The following EPB41L2 variants were observed in gnomAD, a reference collection of about 807,000 sequenced individuals.
EPB41L2 encodes the protein band 4.1-like protein 2.
EPB41L2 carries 43 observed loss-of-function variants against 113.0 expected under a neutral mutation model. That is an observed-to-expected ratio of 0.38 (90% CI 0.30 to 0.49). EPB41L2 has a LOEUF of 0.49. Ranked by LOEUF, EPB41L2 falls within the 20% of genes least tolerant of loss-of-function variation. The pLI is 0.95. For synonymous variants in EPB41L2, 442 were observed against 436.7 expected, an observed-to-expected ratio of 1.01 and a Z score of -0.15; for missense variants, 1,147 against 1,223.4, an observed-to-expected ratio of 0.94 and a Z score of 0.93.
At chr6:130,985,961 C>T (rs1225374960) in intron 1 of EPB41L2, among the ~76,000 whole-genome samples, 1 of 152,032 alleles carries the variant, frequency 6.6e-6, no homozygotes, top group African/African-American at 2.4e-5. Context: ...AAAAGAAACC[C>T]TTCCTAACCC....
intron 1 of EPB41L2, chr6:131,015,383 G>A (rs1323006426): frequency 6.6e-6 from 1 of 152,102 alleles, no homozygotes; most frequent in Non-Finnish European, 1.5e-5. Flanking sequence ...TGAGTTAATG[G>A]TCCACATCTT....
At chr6:131,046,490 G>T (rs1795487567) in intron 1 of EPB41L2, among the ~76,000 whole-genome samples, 1 of 152,064 alleles carries the variant, frequency 6.6e-6, no homozygotes, top group Non-Finnish European at 1.5e-5. Flanking sequence ...TGAAATTCCG[G>T]TCACTACAGA....
chr6:130,857,272 T>C (rs1454569225), intron 19 of EPB41L2, among the ~76,000 whole-genome samples: 2 of 152,208 alleles, frequency 1.3e-5, no homozygotes, highest in Admixed American at 6.5e-5. Flanking sequence ...TAAGTAATAG[T>C]GAGGCTGCAC....
intron 1 of EPB41L2, among the ~76,000 whole-genome samples, chr6:131,024,711 G>C (rs1344174734): frequency 6.6e-6 from 1 of 152,158 alleles, no homozygotes; most frequent in Non-Finnish European, 1.5e-5. Flanking sequence ...CGCACTAGGT[G>C]TTATACTAAA....
At chr6:130,901,530 T>C (rs1229153876) in intron 6 of EPB41L2, among the ~76,000 whole-genome samples, 1 of 150,228 alleles carries the variant, frequency 6.7e-6, no homozygotes, top group Admixed American at 6.7e-5. Flanking sequence ...TAAGGATTAA[T>C]AGATTAAAAA....
intron 4 of EPB41L2, among the ~76,000 whole-genome samples, chr6:130,914,412 A>G (rs1800320237): frequency 6.6e-6 from 1 of 152,210 alleles, no homozygotes; most frequent in African/African-American, 2.4e-5. Flanking sequence ...GGTTCACAAA[A>G]TAGGGTCACT....
intron 12 of EPB41L2, chr6:130,883,009 A>G (rs1789811991): frequency 6.5e-6 from 1 of 152,736 alleles, no homozygotes; most frequent in Non-Finnish European, 1.5e-5. Context: ...CACCTGTGGA[A>G]AGGTGCTCTA....
intron 1 of EPB41L2, among the ~76,000 whole-genome samples, chr6:130,997,861 T>A (rs1297225178): frequency 6.6e-6 from 1 of 152,140 alleles, no homozygotes; most frequent in Non-Finnish European, 1.5e-5. Context: ...CACTCATTAT[T>A]GTATATAAGA....
chr6:130,985,949 C>T (rs574811753), intron 1 of EPB41L2, among the ~76,000 whole-genome samples: 66 of 152,034 alleles, frequency 4.3e-4, no homozygotes, highest in Admixed American at 1.7e-3. Flanking sequence ...TTTATCACCC[C>T]GAAAAGAAAC....
intron 1 of EPB41L2, among the ~76,000 whole-genome samples, chr6:131,039,500 C>A (rs1794014939): frequency 6.6e-6 from 1 of 152,196 alleles, no homozygotes; most frequent in African/African-American, 2.4e-5. Flanking sequence ...CCTTAGAGAT[C>A]ATCTAACTTT....
chr6:130,945,474 G>C (rs1271350128), intron 3 of EPB41L2, among the ~76,000 whole-genome samples: 1 of 152,154 alleles, frequency 6.6e-6, no homozygotes, highest in Admixed American at 6.5e-5. Flanking sequence ...TGTGTAGGCA[G>C]AAACAATGCC....
intron 1 of EPB41L2, among the ~76,000 whole-genome samples, chr6:131,055,505 A>G (rs1318990469): frequency 1.3e-5 from 2 of 152,200 alleles, no homozygotes; most frequent in Non-Finnish European, 2.9e-5. Flanking sequence ...TACACAAAAA[A>G]CTACATGGGC....
Position 130,947,218 on chromosome 6 carries a change from T to A in EPB41L2, c.705+7887A>T, listed in dbSNP as rs528535629. On this transcript the variant is annotated intron_variant, in intron 3 of 19. Coordinates refer to ENST00000337057, the MANE Select transcript of EPB41L2 (RefSeq NM_001431.4). Reference sequence around the variant, plus strand: ...TTTGAGGCCTTTTAGAACCTCACCCTACTCTCTATAAGATCCCTGTAAGCC... The same window carrying A: ...TTTGAGGCCTTTTAGAACCTCACCCAACTCTCTATAAGATCCCTGTAAGCC... Among the ~76,000 whole-genome samples, 24 of 152,230 alleles carry A rather than the reference T, an allele frequency of 1.6e-4. No individual in the cohort carries two copies. The South Asian group carries it at 5.0e-3, about 32-fold the overall frequency.
At chr6:130,900,417 T>C (rs1431996554) in intron 7 of EPB41L2, among the ~76,000 whole-genome samples, 1 of 152,240 alleles carries the variant, frequency 6.6e-6, no homozygotes, top group Non-Finnish European at 1.5e-5. Flanking sequence ...CACACACATA[T>C]AAATGTTCTA....
Position 130,909,415 on chromosome 6 carries a change from T to C in EPB41L2, c.811-552A>G, listed in dbSNP as rs578172275. 6.6e-5 allele frequency among the ~76,000 whole-genome samples: 10 copies of C among 152,340 alleles called. No homozygotes were observed. In the East Asian group the frequency reaches 1.9e-3, roughly 29 times the overall value. On this transcript the variant is annotated intron_variant, in intron 4 of 19. Transcript: ENST00000337057. ...GGTCAGGTTGGAGACAATATTTCCC[T>C]TCCTGGTCTTAATATAACACCCTTC...
rs1190211780 is a variant in EPB41L2, at chr6:130,899,031, A to T, written c.1236+460T>A. On this transcript the variant is annotated intron_variant, in intron 8 of 19. Coordinates refer to ENST00000337057, the MANE Select transcript of EPB41L2 (RefSeq NM_001431.4). ...TACAAAACACACCTACAGGGAAAAG[A>T]CCAACTCTAGGGCTCCTTCATCAAA... 2.6e-5 allele frequency among the ~76,000 whole-genome samples: 4 copies of T among 152,070 alleles called. No individual in the cohort carries two copies. In the East Asian group the frequency reaches 7.7e-4, roughly 29 times the overall value.
At chr6:130,941,211 G>A (rs1269143063) in intron 3 of EPB41L2, among the ~76,000 whole-genome samples, 2 of 152,030 alleles carry the variant, frequency 1.3e-5, no homozygotes, top group African/African-American at 4.8e-5. Context: ...CCATCACAAA[G>A]GGAGACTAGC....
At chr6:130,856,090 T>C (rs1780134114) in intron 19 of EPB41L2, among the ~76,000 whole-genome samples, 1 of 152,180 alleles carries the variant, frequency 6.6e-6, no homozygotes, top group Non-Finnish European at 1.5e-5. Context: ...TGCTGGCTAC[T>C]TATGTAGGAA....
chr6:130,911,605 TAA>T (rs1411371320), intron 4 of EPB41L2, among the ~76,000 whole-genome samples: 1 of 151,950 alleles, frequency 6.6e-6, no homozygotes, highest in African/African-American at 2.4e-5. Flanking sequence ...AAGAAAGCTT[TAA>T]AAAAATGCTA....
Sources: gnomAD v4.1 joint callset for allele counts (sites outside exome capture counted in the v4.1 genomes callset) on GRCh38, gnomAD v4.1.1 for gene constraint, MANE v1.5 for transcripts, NCBI Gene and HGNC (gene_info 2026-07-23, HGNC 2026-07-21) for gene names.